Variants in RUFY1 observed in about 807,000 individuals in gnomAD.
The protein encoded by RUFY1 is RUN and FYVE domain-containing protein 1.
Under a neutral mutation model 94.6 loss-of-function variants are expected in RUFY1, and 54 were observed. The ratio of observed to expected loss-of-function variants is 0.57; its 90% CI spans 0.46 to 0.72. RUFY1 has a LOEUF of 0.72. Among genes scored for constraint, RUFY1 ranks in the 30% least tolerant of loss-of-function variants. The probability of loss-of-function intolerance (pLI) is 0.00; values close to 1 mark genes in which losing one functional copy is unlikely to be tolerated. For missense variants in RUFY1, 883 were observed against 883.9 expected (o/e 1.00, Z 0.01); for synonymous variants, 396 against 347.3 (o/e 1.14, Z -1.56).
At chr5:179,569,837 C>T (rs569498291) in intron 5 of RUFY1, among the ~76,000 whole-genome samples, 26 of 152,224 alleles carry the variant, frequency 1.7e-4, no homozygotes, top group African/African-American at 5.8e-4. Flanking sequence ...CTCCGCCTCC[C>T]GGGTTCACAC....
At chr5:179,574,198 C>A (rs987092587) in intron 5 of RUFY1, among the ~76,000 whole-genome samples, 4 of 151,902 alleles carry the variant, frequency 2.6e-5, no homozygotes, top group African/African-American at 9.7e-5. Flanking sequence ...AGGTTGAGAC[C>A]GCCCTGACCA....
Position 179,550,865 on chromosome 5 carries a change from G to C in RUFY1, c.296G>C (p.Gly99Ala). 8.5e-7 allele frequency: 1 copy of C among 1,178,004 alleles called. No individual in the cohort carries two copies. The highest frequency in any genetic ancestry group is 1.0e-6 in the Non-Finnish European group (1 of 956,190). 73.0% of individuals were successfully genotyped at this position (1,178,004 alleles called of 1,614,324 possible). ...AGLGGGDSGD[G>A]TARAASKCQM... is the part of the protein sequence containing the mutation. The stretch of plus-strand genomic sequence containing the variant: ...CTGGGCGGCGGGGACAGCGGGGACG[G>C]CACGGCGCGCGCAGGTAGGCTCGGG... Residue 99 changes from glycine to alanine, a missense_variant, in exon 1 of 18, where the codon GGC becomes GCC. By Grantham distance (60) the Gly-to-Ala change is moderately conservative. Transcript: ENST00000319449.
chr5:179,554,580 A>G (rs1405837608), intron 1 of RUFY1, among the ~76,000 whole-genome samples: 2 of 151,898 alleles, frequency 1.3e-5, no homozygotes, highest in African/African-American at 2.4e-5. Flanking sequence ...GGGGTCTGGT[A>G]TGTGATTGTA....
At position 179,609,341 on chromosome 5, in the gene RUFY1, G is replaced by A. The variant is rs200817874; in HGVS notation, c.1984-35G>A. On this transcript the variant is annotated intron_variant, in intron 17 of 17. Transcript: ENST00000319449. ...GAGGGTGTGCGGATGGCTTTTCCCCGGGTGTCCTGTGACCGCCTTCTTCCC... is the reference window on the plus strand; with the variant it reads ...GAGGGTGTGCGGATGGCTTTTCCCCAGGTGTCCTGTGACCGCCTTCTTCCC... 87 of 1,604,056 alleles carry A rather than the reference G, an allele frequency of 5.4e-5. 1 individual carries two copies. In the East Asian group the frequency reaches 9.0e-4, roughly 17 times the overall value.
chr5:179,569,472 G>T, intron 5 of RUFY1, 47 bp downstream of exon 5: 1 of 1,597,498 alleles, frequency 6.3e-7, no homozygotes, highest in South Asian at 1.1e-5. Context: ...TTAGTCCAGG[G>T]ACTTTACATA....
chr5:179,577,649 G>A (rs1406947613), intron 6 of RUFY1, among the ~76,000 whole-genome samples: 8 of 141,060 alleles, frequency 5.7e-5, no homozygotes, highest in Admixed American at 5.7e-4. Context: ...AGGGGAGGGC[G>A]GGGGTGGGGA....
intron 10 of RUFY1, among the ~76,000 whole-genome samples, chr5:179,591,997 G>A (rs1408643593): frequency 2.0e-5 from 3 of 152,162 alleles, no homozygotes; most frequent in Non-Finnish European, 2.9e-5. Context: ...CCAGGCTGGA[G>A]TGCGATGGCG....
chr5:179,577,806 C>G (rs544878445), intron 6 of RUFY1, among the ~76,000 whole-genome samples: 1 of 144,972 alleles, frequency 6.9e-6, no homozygotes, highest in South Asian at 2.2e-4. Flanking sequence ...GATGTGCGCA[C>G]ATCGGGTGGT....
At chr5:179,556,673 G>A (rs1474946878) in intron 1 of RUFY1, among the ~76,000 whole-genome samples, 2 of 151,856 alleles carry the variant, frequency 1.3e-5, no homozygotes, top group Non-Finnish European at 2.9e-5. Context: ...GCTAAGTTTT[G>A]TATTTTTAGT....
rs571881734 is a variant in RUFY1 at position 179,603,037 on chromosome 5, G to C, written c.1856+1051G>C. Reference sequence around the variant, plus strand: ...AATCTCAGCACTTTGGGAGACTGAGGTGAGCAGATCACCTGAGGTCAGGAG... The same window carrying C: ...AATCTCAGCACTTTGGGAGACTGAGCTGAGCAGATCACCTGAGGTCAGGAG... On this transcript the variant is annotated intron_variant, in intron 15 of 17. Coordinates refer to ENST00000319449, the MANE Select transcript of RUFY1 (RefSeq NM_025158.5). 2.6e-5 allele frequency among the ~76,000 whole-genome samples: 4 copies of C among 152,272 alleles called. No homozygotes were observed. The East Asian group carries it at 7.7e-4, about 29-fold the overall frequency.
chr5:179,586,803 C>T (rs538085743), intron 8 of RUFY1, among the ~76,000 whole-genome samples: 1 of 152,120 alleles, frequency 6.6e-6, no homozygotes. Flanking sequence ...GGTAGGCAGG[C>T]CTTTGAGCCT....
At chr5:179,584,356 C>T (rs987769299) in intron 7 of RUFY1, among the ~76,000 whole-genome samples, 4 of 152,158 alleles carry the variant, frequency 2.6e-5, no homozygotes, top group East Asian at 1.9e-4. Context: ...ATGCCAGCAC[C>T]CCTTTGTAGA....
At chr5:179,607,835 T>G (rs1253146669) in intron 17 of RUFY1, among the ~76,000 whole-genome samples, 176 bp downstream of exon 17, 2 of 152,246 alleles carry the variant, frequency 1.3e-5, no homozygotes, top group Non-Finnish European at 2.9e-5. Context: ...CTTTCCATCC[T>G]GGCACCCTCT....
At chr5:179,602,671 C>G (rs986369884) in intron 15 of RUFY1, 1 of 152,274 alleles carries the variant, frequency 6.6e-6, no homozygotes, top group Admixed American at 6.5e-5. Context: ...TTGCAAGTAA[C>G]AGAAATCCAA....
intron 8 of RUFY1, chr5:179,586,443 G>A (rs541610987): frequency 1.1e-5 from 5 of 456,602 alleles, no homozygotes; most frequent in South Asian, 6.2e-5. Flanking sequence ...TTAGCAGGAG[G>A]GGGGTGCTCA....
rs368863668 is a variant in RUFY1, at chr5:179,591,788, G to C, written c.1245+47G>C. The stretch of plus-strand genomic sequence containing the variant: ...TCTTTAGAAAGAGTTTCCCCGTAGT[G>C]TTAATTCTGTCAACACTTTTCATAG... On this transcript the variant is annotated intron_variant, in intron 10 of 17. Coordinates refer to ENST00000319449, the MANE Select transcript of RUFY1 (RefSeq NM_025158.5). The C allele has an allele frequency of 3.1e-5, 34 of 1,082,248 alleles. No homozygotes were observed. In the African/African-American group the frequency reaches 5.3e-4, roughly 17 times the overall value. The allele number at this position is 1,082,248 out of a possible 1,614,324, so 67.0% of individuals were successfully genotyped here. A position where few individuals can be genotyped will look rare whatever the true frequency, so the allele number is the denominator to read the frequency against.
chr5:179,609,747 T>A lies in RUFY1; in HGVS notation c.*228T>A. The stretch of plus-strand genomic sequence containing the variant: ...GAAACTTCCATCTTACTTGGTTACA[T>A]CACGGCTCTGGTTCAGATACAACTT... On this transcript the variant is annotated 3_prime_UTR_variant, in exon 18 of 18. Transcript: ENST00000319449. 2.1e-6 allele frequency: 1 copy of A among 470,490 alleles called. No homozygotes were observed. Among genetic ancestry groups the A allele is most frequent in the Non-Finnish European group, 3.7e-6 (1 of 266,768 alleles). The allele number at this position is 470,490 out of a possible 1,614,324, so 29.1% of individuals were successfully genotyped here. A position where few individuals can be genotyped will look rare whatever the true frequency, so the allele number is the denominator to read the frequency against.
chr5:179,590,168 A>G (rs191821781), intron 9 of RUFY1, among the ~76,000 whole-genome samples: 90 of 152,152 alleles, frequency 5.9e-4, no homozygotes, highest in African/African-American at 2.1e-3. Context: ...CCTGGCTAAC[A>G]CAGTGAAACC....
At chr5:179,568,195 A>G (rs1341451116) in intron 4 of RUFY1, among the ~76,000 whole-genome samples, 2 of 152,202 alleles carry the variant, frequency 1.3e-5, no homozygotes, top group East Asian at 1.9e-4. Flanking sequence ...CAGTGAGCCA[A>G]GATCACACCA....
Sources: gnomAD v4.1 joint callset for allele counts (sites outside exome capture counted in the v4.1 genomes callset) on GRCh38, gnomAD v4.1.1 for gene constraint, MANE v1.5 for transcripts, NCBI Gene and HGNC (gene_info 2026-07-23, HGNC 2026-07-21) for gene names.